The following HPGD variants were observed in gnomAD, a reference collection of about 807,000 sequenced individuals.
The protein encoded by HPGD is 15-hydroxyprostaglandin dehydrogenase, also known as 15-hydroxyprostaglandin dehydrogenase [NAD(+)].
HPGD carries 29 observed loss-of-function variants against 30.0 expected under a neutral mutation model. The ratio of observed to expected loss-of-function variants is 0.97; its 90% CI spans 0.72 to 1.32. The LOEUF (loss-of-function observed/expected upper bound fraction) is 1.32, where lower values mean the gene tolerates loss of function less well. Ranked by LOEUF, HPGD falls within the 40% of genes most tolerant of loss-of-function variation. HPGD has a pLI of 0.00. For synonymous variants in HPGD, 99 were observed against 112.4 expected (o/e 0.88, Z 0.75); for missense variants, 340 against 322.1 (o/e 1.06, Z -0.43).
At chr4:174,495,853 A>G (rs540224198) in intron 4 of HPGD, 12 of 549,002 alleles carry the variant, frequency 2.2e-5, no homozygotes, top group Non-Finnish European at 3.6e-5. Flanking sequence ...TTACACAGAG[A>G]TACAGCCAAG....
intron 4 of HPGD, among the ~76,000 whole-genome samples, chr4:174,502,697 G>A (rs1260772112): frequency 1.1e-4 from 9 of 85,582 alleles, no homozygotes; most frequent in South Asian, 3.5e-4. Context: ...AAAAAAAAAA[G>A]TGACACATGC....
intron 4 of HPGD, among the ~76,000 whole-genome samples, chr4:174,501,239 T>A (rs894138527): frequency 2.0e-5 from 3 of 152,192 alleles, no homozygotes; most frequent in Non-Finnish European, 2.9e-5. Context: ...CCAGTTACTA[T>A]AACTAATATG....
At chr4:174,495,682 C>T in intron 4 of HPGD, 58 bp from the exon 5 acceptor site, 1 of 1,133,486 alleles carries the variant, frequency 8.8e-7, no homozygotes, top group Non-Finnish European at 1.3e-6. Context: ...TAGACTATAC[C>T]CAGTAATGAA....
chr4:174,522,189 C>T (rs1235039135), intron 1 of HPGD, 122 bp from the exon 2 acceptor site: 75 of 1,491,964 alleles, frequency 5.0e-5, no homozygotes, highest in Admixed American at 2.5e-4. Context: ...TGGGTTCCCT[C>T]CCAGCCACTT....
chr4:174,493,272 T>C lies in HPGD; in HGVS notation c.541A>G (p.Ile181Val), dbSNP rs886980298. The change falls in exon 6 of 7, where the codon ATT (isoleucine) becomes GTT (valine). Residue 181 changes from isoleucine (I) to valine (V), a missense_variant. Physicochemically the swap from Ile to Val is conservative, Grantham distance 29 (BLOSUM62 3). Transcript: ENST00000296522. ...GCTGTGTTAACAAAGCCTGGACAAA[T>C]GGCATTCAGTCTCACACCACTGTTC... ...LMNSGVRLNA[I>V]CPGFVNTAIL... 1 of 1,613,316 alleles carries C rather than the reference T, an allele frequency of 6.2e-7. No homozygotes were observed. The highest frequency in any genetic ancestry group is 8.5e-7 in the Non-Finnish European group (1 of 1,179,430).
intron 3 of HPGD, among the ~76,000 whole-genome samples, chr4:174,509,463 T>C (rs777961604): frequency 7.4e-4 from 113 of 152,302 alleles, no homozygotes; most frequent in South Asian, 1.0e-3. Context: ...TTTTGGTCAG[T>C]GAGACCTGGG....
At chr4:174,497,241 T>C (rs1428680893) in intron 4 of HPGD, among the ~76,000 whole-genome samples, 2 of 152,220 alleles carry the variant, frequency 1.3e-5, no homozygotes, top group African/African-American at 4.8e-5. Context: ...AAAGACATTG[T>C]TCATAAGAGT....
chr4:174,508,292 T>C (rs1201874276), intron 4 of HPGD: 12 of 587,508 alleles, frequency 2.0e-5, no homozygotes, highest in Non-Finnish European at 3.0e-5. Flanking sequence ...CTATGATATA[T>C]GCCATATTTT....
At position 174,492,206 on chromosome 4, in the gene HPGD, G is replaced by T. The variant is rs1474783268; in HGVS notation, c.663-112C>A. Reference sequence around the variant, plus strand: ...AGTTGAACATGTTATAGGGAAATGTGTGTCATTAAACTATTGCTACTTCCA... The same window carrying T: ...AGTTGAACATGTTATAGGGAAATGTTTGTCATTAAACTATTGCTACTTCCA... On this transcript the variant is annotated intron_variant, in intron 6 of 6. Coordinates refer to ENST00000296522, the MANE Select transcript of HPGD (RefSeq NM_000860.6). The surrounding 1 kb of genome is among the most constrained non-coding windows in gnomAD (Gnocchi z 4.9). 5.0e-6 allele frequency: 5 copies of T among 993,632 alleles called. No individual in the cohort carries two copies. Among genetic ancestry groups the T allele is most frequent in the Non-Finnish European group, 7.9e-6 (5 of 635,884 alleles). The allele number at this position is 993,632 out of a possible 1,614,324, so 61.6% of individuals were successfully genotyped here. A position where few individuals can be genotyped will look rare whatever the true frequency, so the allele number is the denominator to read the frequency against.
At chr4:174,515,416 A>T (rs952525756) in intron 3 of HPGD, among the ~76,000 whole-genome samples, 2 of 152,168 alleles carry the variant, frequency 1.3e-5, no homozygotes, top group East Asian at 1.9e-4. Context: ...TGGGGAAAGG[A>T]TGCACTATTC....
At chr4:174,508,921 T>A in intron 3 of HPGD, 129 bp from the exon 4 acceptor site, 1 of 689,786 alleles carries the variant, frequency 1.4e-6, no homozygotes, top group South Asian at 1.6e-5. Flanking sequence ...ATGAAAGGTT[T>A]TAAAAGAGCT....
chr4:174,509,427 G>A (rs555003962), intron 3 of HPGD, among the ~76,000 whole-genome samples: 1 of 152,318 alleles, frequency 6.6e-6, no homozygotes, highest in Admixed American at 6.5e-5. Flanking sequence ...GACAGTGGCT[G>A]GTTTCAGAGC....
chr4:174,508,248 G>C, intron 4 of HPGD: 1 of 641,420 alleles, frequency 1.6e-6, no homozygotes, highest in Non-Finnish European at 2.9e-6. Context: ...CTACATGTAA[G>C]TTTGGCTTTA....
chr4:174,507,917 A>C, intron 4 of HPGD: 1 of 509,584 alleles, frequency 2.0e-6, no homozygotes, highest in Non-Finnish European at 3.5e-6. Flanking sequence ...TCTCTTAGGC[A>C]CACAGCTAGA....
intron 4 of HPGD, among the ~76,000 whole-genome samples, chr4:174,502,969 T>C (rs938649677): frequency 6.6e-6 from 1 of 152,116 alleles, no homozygotes; most frequent in African/African-American, 2.4e-5. Flanking sequence ...CCTATCGAAA[T>C]CAGAATCTGC....
chr4:174,503,832 C>T (rs1290629000), intron 4 of HPGD, among the ~76,000 whole-genome samples: 1 of 151,950 alleles, frequency 6.6e-6, no homozygotes. Context: ...AAGAAATCCT[C>T]CCACCTCAGC....
At chr4:174,520,828 T>C (rs1183870539) in intron 2 of HPGD, among the ~76,000 whole-genome samples, 3 of 152,212 alleles carry the variant, frequency 2.0e-5, no homozygotes, top group Non-Finnish European at 4.4e-5. Context: ...TATGTTCCTC[T>C]TGCATTGTGT....
chr4:174,491,778 T>C lies in HPGD; in HGVS notation c.*178A>G, dbSNP rs999403580. ...CCTTTGGTCCACATCACATTTTTAATAGTTCATAACTTTTTATCCATATAC... is the reference window on the plus strand; with the variant it reads ...CCTTTGGTCCACATCACATTTTTAACAGTTCATAACTTTTTATCCATATAC... On this transcript the variant is annotated 3_prime_UTR_variant, in exon 7 of 7. Transcript: ENST00000296522. The C allele has an allele frequency of 3.4e-6, 2 of 590,920 alleles. No individual in the cohort carries two copies. The highest frequency in any genetic ancestry group is 2.0e-5 in the South Asian group (1 of 49,386). 36.6% of individuals were successfully genotyped at this position (590,920 alleles called of 1,614,324 possible).
chr4:174,509,088 C>T (rs45622545), intron 3 of HPGD, among the ~76,000 whole-genome samples: 144 of 152,266 alleles, frequency 9.5e-4, no homozygotes, highest in African/African-American at 3.3e-3. Context: ...ACTCAATTCT[C>T]AACATCTTCA....
Sources: allele counts gnomAD v4.1 joint callset (sites outside exome capture counted in the v4.1 genomes callset), GRCh38; gene constraint gnomAD v4.1.1; non-coding constraint Gnocchi (gnomAD v3.1); transcripts MANE v1.5; gene names NCBI Gene and HGNC (gene_info 2026-07-23, HGNC 2026-07-21).